Variants in AVL9 observed in about 807,000 individuals in gnomAD.
AVL9 encodes the protein late secretory pathway protein AVL9 homolog.
Under a neutral mutation model 79.2 loss-of-function variants are expected in AVL9, and 49 were observed. The observed-to-expected ratio is 0.62, with a 90% confidence interval of 0.49 to 0.79. AVL9 has a LOEUF of 0.79. Among genes scored for constraint, AVL9 ranks in the 30% least tolerant of loss-of-function variants. The pLI is 0.00. For synonymous variants in AVL9, 299 were observed against 280.6 expected (o/e 1.07, Z -0.65); for missense variants, 682 against 776.8 (o/e 0.88, Z 1.45).
At chr7:32,529,559 G>A (rs1252415440) in intron 1 of AVL9, among the ~76,000 whole-genome samples, 1 of 152,180 alleles carries the variant, frequency 6.6e-6, no homozygotes, top group African/African-American at 2.4e-5. Flanking sequence ...TTATAGATAA[G>A]GAAATTGAAG....
intron 1 of AVL9, among the ~76,000 whole-genome samples, chr7:32,510,315 G>A (rs1207998764): frequency 6.6e-6 from 1 of 150,938 alleles, no homozygotes; most frequent in African/African-American, 2.4e-5. Flanking sequence ...TGTCAGGTCT[G>A]GCTGAGAGAA....
intron 1 of AVL9, among the ~76,000 whole-genome samples, chr7:32,496,323 C>T (rs1786808334): frequency 6.6e-6 from 1 of 152,218 alleles, no homozygotes; most frequent in African/African-American, 2.4e-5. Context: ...GGAATCTCTC[C>T]TGTTAGGTAC....
chr7:32,540,060 T>A (rs1341341159), intron 1 of AVL9, among the ~76,000 whole-genome samples: 1 of 152,232 alleles, frequency 6.6e-6, no homozygotes, highest in Non-Finnish European at 1.5e-5. Context: ...TTAGGATATC[T>A]TTGGAAGGCC....
chr7:32,503,345 G>GATAT (rs1562749405), intron 1 of AVL9, among the ~76,000 whole-genome samples: 4 of 77,636 alleles, frequency 5.2e-5, no homozygotes, highest in East Asian at 4.3e-4. Flanking sequence ...TATATATATA[G>GATAT]ATATAGATAT....
intron 1 of AVL9, among the ~76,000 whole-genome samples, chr7:32,514,902 G>A (rs1554334634): frequency 6.6e-6 from 1 of 152,182 alleles, no homozygotes. Context: ...CACAAAGCCT[G>A]TTTGGTGGTC....
intron 3 of AVL9, among the ~76,000 whole-genome samples, chr7:32,546,615 G>A (rs1367455028): frequency 1.3e-5 from 2 of 152,096 alleles, no homozygotes; most frequent in Non-Finnish European, 2.9e-5. Context: ...GAAGTTAGGA[G>A]ATCAAGACCA....
At chr7:32,517,012 C>G (rs1433531040) in intron 1 of AVL9, among the ~76,000 whole-genome samples, 1 of 152,118 alleles carries the variant, frequency 6.6e-6, no homozygotes, top group Non-Finnish European at 1.5e-5. Flanking sequence ...TCTGCTGTTA[C>G]TTTTTTGCTG....
At chr7:32,501,904 G>A (rs1044853882) in intron 1 of AVL9, among the ~76,000 whole-genome samples, 1 of 152,170 alleles carries the variant, frequency 6.6e-6, no homozygotes, top group Admixed American at 6.5e-5. Context: ...CACATAGGGA[G>A]AAGAGCCTAC....
intron 13 of AVL9, among the ~76,000 whole-genome samples, chr7:32,576,649 G>A (rs1431830824): frequency 6.6e-6 from 1 of 152,096 alleles, no homozygotes; most frequent in Non-Finnish European, 1.5e-5. Flanking sequence ...AGCCAGACGT[G>A]GTAGTGGGCG....
chr7:32,496,129 A>G (rs1041388273), intron 1 of AVL9, among the ~76,000 whole-genome samples: 5 of 152,256 alleles, frequency 3.3e-5, no homozygotes, highest in Admixed American at 6.5e-5. Context: ...TTCCCCGTCC[A>G]TCATTGTCTC....
intron 1 of AVL9, among the ~76,000 whole-genome samples, chr7:32,542,347 C>G (rs1246050229): frequency 6.9e-6 from 1 of 145,168 alleles, no homozygotes; most frequent in Non-Finnish European, 1.5e-5. Context: ...CGAGACTAGC[C>G]TGGCCAACGT....
chr7:32,580,704 G>A, intron 14 of AVL9, 98 bp from the exon 15 acceptor site: 2 of 713,016 alleles, frequency 2.8e-6, no homozygotes, highest in Non-Finnish European at 4.7e-6. Context: ...GATGGTTACA[G>A]AGTGACTATT....
intron 11 of AVL9, among the ~76,000 whole-genome samples, chr7:32,570,683 G>A (rs376659793): frequency 6.9e-4 from 104 of 150,944 alleles, no homozygotes; most frequent in African/African-American, 2.2e-3. Flanking sequence ...GCAATGGCGC[G>A]ATCTCGGCTC....
At chr7:32,565,340 A>G (rs1790510987) in intron 10 of AVL9, among the ~76,000 whole-genome samples, 1 of 152,156 alleles carries the variant, frequency 6.6e-6, no homozygotes, top group Non-Finnish European at 1.5e-5. Context: ...CAGGCGGATC[A>G]CCTAAGATCA....
intron 10 of AVL9, among the ~76,000 whole-genome samples, chr7:32,565,307 C>T (rs545469792): frequency 2.6e-5 from 4 of 152,262 alleles, no homozygotes; most frequent in South Asian, 4.1e-4. Flanking sequence ...CGCCTGTAAT[C>T]CGAGCACTTT....
At position 32,495,659 on chromosome 7, in the gene AVL9, C is replaced by A; in HGVS notation, c.-51C>A. The A allele has an allele frequency of 1.7e-6, 2 of 1,208,808 alleles. No homozygotes were observed. The highest frequency in any genetic ancestry group is 2.1e-6 in the Non-Finnish European group (2 of 949,916). 74.9% of individuals were successfully genotyped at this position (1,208,808 alleles called of 1,614,324 possible). ...TTCCGCACACGGTGGGGTCGTCAGA[C>A]CCGCTGCCCTTGGCGGTCGAAGTCG... On this transcript the variant is annotated 5_prime_UTR_variant, in exon 1 of 16. Transcript: ENST00000318709.
intron 2 of AVL9, among the ~76,000 whole-genome samples, chr7:32,544,338 C>T (rs1789368101): frequency 6.6e-6 from 1 of 152,130 alleles, no homozygotes; most frequent in South Asian, 2.1e-4. Context: ...TCTCAGTTGT[C>T]CCCCAAATTT....
chr7:32,554,588 GA>G lies in AVL9; in HGVS notation c.608del (p.Lys203ArgfsTer9). 34 of 1,500,288 alleles carry G rather than the reference GA, an allele frequency of 2.3e-5. No homozygotes were observed. The highest frequency in any genetic ancestry group is 1.8e-4 in the Middle Eastern group (1 of 5,590). 92.9% of individuals were successfully genotyped at this position (1,500,288 alleles called of 1,614,324 possible). ...AATCCTATTTAAGCTAATTCTTCTTGAAAAAAAGGTACGATCCTAAGGGATG... is the reference window on the plus strand; with the variant it reads ...AATCCTATTTAAGCTAATTCTTCTTGAAAAAAGGTACGATCCTAAGGGATG... ...VLILFKLILLEKKVLFYISPV... is the reference protein window; with the variant it reads ...VLILFKLILLXKKVLFYISPV... On this transcript the variant is annotated frameshift_variant, in exon 8 of 16. Coordinates refer to ENST00000318709, the MANE Select transcript of AVL9 (RefSeq NM_015060.3). LOFTEE classifies it high-confidence loss of function.
intron 1 of AVL9, among the ~76,000 whole-genome samples, chr7:32,503,369 T>TACACAC (rs1237567459): frequency 0.23 from 23,552 of 101,162 alleles, 3,394 homozygotes; most frequent in East Asian, 0.32. Context: ...GAGATATATA[T>TACACAC]ATATACACAC....
Sources: allele counts gnomAD v4.1 joint callset (sites outside exome capture counted in the v4.1 genomes callset), GRCh38; gene constraint gnomAD v4.1.1; transcripts MANE v1.5; gene names NCBI Gene and HGNC (gene_info 2026-07-23, HGNC 2026-07-21).